FGF12: variants seen among roughly 807,000 people sequenced by gnomAD.
FGF12 encodes the protein fibroblast growth factor 12B.
FGF12 carries 14 observed loss-of-function variants against 23.6 expected under a neutral mutation model. That is an observed-to-expected ratio of 0.59 (90% confidence interval 0.39 to 0.93). The LOEUF (loss-of-function observed/expected upper bound fraction) is 0.93. FGF12 is among the 40% of genes least tolerant of loss of function. The pLI is 0.00. For missense variants in FGF12, 175 were observed against 217.8 expected (o/e 0.80, Z 1.24); for synonymous variants, 62 against 77.3 (o/e 0.80, Z 1.04).
At chr3:192,282,230 C>T (rs185600828) in intron 4 of FGF12, among the ~76,000 whole-genome samples, 5 of 152,226 alleles carry the variant, frequency 3.3e-5, no homozygotes, top group Admixed American at 3.3e-4. Flanking sequence ...TCTAGGTGAA[C>T]ATCTGGTACA....
rs981657028 is a variant in FGF12 at position 192,140,977 on chromosome 3, A to G, written c.*3032T>C. 2 of 151,826 alleles carry G rather than the reference A, an allele frequency of 1.3e-5. No homozygotes were observed. The highest frequency in any genetic ancestry group is 3.9e-4 in the East Asian group (2 of 5,182). 9.4% of individuals were successfully genotyped at this position (151,826 alleles called of 1,614,324 possible). ...AGAAAGCTATTTTGTGAGACTCTCA[A>G]AAGTTTTGTTTTCATTCTTAAGCTC... On this transcript the variant is annotated 3_prime_UTR_variant, in exon 6 of 6. Coordinates refer to ENST00000445105, the MANE Select transcript of FGF12 (RefSeq NM_004113.6).
chr3:192,502,175 C>T (rs1317791168), intron 2 of FGF12, among the ~76,000 whole-genome samples: 3 of 152,156 alleles, frequency 2.0e-5, no homozygotes, highest in Non-Finnish European at 4.4e-5. Flanking sequence ...AATCTAAGTC[C>T]ATTTCCCATT....
At chr3:192,300,047 G>C (rs138063619) in intron 4 of FGF12, among the ~76,000 whole-genome samples, 18 of 152,248 alleles carry the variant, frequency 1.2e-4, no homozygotes, top group African/African-American at 4.1e-4. Flanking sequence ...TCTATGGATT[G>C]TGTTCATCTC....
intron 4 of FGF12, among the ~76,000 whole-genome samples, chr3:192,292,443 C>G (rs998684177): frequency 6.6e-6 from 1 of 151,998 alleles, no homozygotes; most frequent in African/African-American, 2.4e-5. Context: ...TTTAAAATGC[C>G]TTTAATCAGT....
chr3:192,484,228 C>A (rs1314533408), intron 2 of FGF12, among the ~76,000 whole-genome samples: 2 of 150,064 alleles, frequency 1.3e-5, no homozygotes, highest in African/African-American at 4.9e-5. Flanking sequence ...ATTATCACCA[C>A]TTAGGTGCAA....
intron 2 of FGF12, among the ~76,000 whole-genome samples, chr3:192,415,455 C>T (rs971792349): frequency 3.9e-5 from 6 of 152,158 alleles, no homozygotes; most frequent in Non-Finnish European, 8.8e-5. Flanking sequence ...TCCATCCACC[C>T]AGATTTTTGA....
rs924123298 is a variant in FGF12, at chr3:192,139,767, T to C, written c.*4242A>G. ...AAGCTCAATACATCATTCTGAACAT[T>C]ATTAATTTTCACTTAACTTAGATTT... On this transcript the variant is annotated 3_prime_UTR_variant, in exon 6 of 6. Transcript: ENST00000445105. The C allele has an allele frequency of 6.6e-6, 1 of 152,088 alleles. No homozygotes were observed. The highest frequency in any genetic ancestry group is 2.4e-5 in the African/African-American group (1 of 41,434). The allele number at this position is 152,088 out of a possible 1,614,324, so 9.4% of individuals were successfully genotyped here. A position where few individuals can be genotyped will look rare whatever the true frequency, so the allele number is the denominator to read the frequency against.
intron 2 of FGF12, among the ~76,000 whole-genome samples, chr3:192,474,417 C>CA (rs1723259133): frequency 1.3e-5 from 2 of 152,068 alleles, no homozygotes; most frequent in Admixed American, 6.6e-5. Flanking sequence ...CCAGATTTGG[C>CA]CAATTATAGC....
At chr3:192,251,732 G>T (rs1333001508) in intron 4 of FGF12, among the ~76,000 whole-genome samples, 1 of 151,938 alleles carries the variant, frequency 6.6e-6, no homozygotes, top group Non-Finnish European at 1.5e-5. Context: ...AGAAAAAAAA[G>T]CCAGATACAA....
Position 192,346,437 on chromosome 3 carries a change from C to A in FGF12, c.125-10973G>T, listed in dbSNP as rs142170733. 1.2e-4 allele frequency among the ~76,000 whole-genome samples: 19 copies of A among 152,300 alleles called. No individual in the cohort carries two copies. In the East Asian group the frequency reaches 3.7e-3, roughly 29 times the overall value. On this transcript the variant is annotated intron_variant, in intron 3 of 5. Coordinates refer to ENST00000445105, the MANE Select transcript of FGF12 (RefSeq NM_004113.6). Reference sequence around the variant, plus strand: ...CCATTCTTCAAGAATTGGGTTAAAACCAAACTTGTTGATCACTATGGCTTT... The same window carrying A: ...CCATTCTTCAAGAATTGGGTTAAAAACAAACTTGTTGATCACTATGGCTTT...
At chr3:192,455,172 T>G (rs1056744281) in intron 2 of FGF12, among the ~76,000 whole-genome samples, 6 of 152,166 alleles carry the variant, frequency 3.9e-5, no homozygotes, top group Non-Finnish European at 5.9e-5. Flanking sequence ...AATAATATGA[T>G]GTACAGAAAG....
At chr3:192,234,414 T>C (rs1158038330) in intron 4 of FGF12, among the ~76,000 whole-genome samples, 1 of 152,226 alleles carries the variant, frequency 6.6e-6, no homozygotes, top group African/African-American at 2.4e-5. Flanking sequence ...TGAAGTTGTT[T>C]GTCAGTTCTA....
chr3:192,462,965 G>T (rs1416415361), intron 2 of FGF12, among the ~76,000 whole-genome samples: 3 of 152,194 alleles, frequency 2.0e-5, no homozygotes, highest in Non-Finnish European at 4.4e-5. Flanking sequence ...AGTTTGTGGG[G>T]ATATGAAACC....
chr3:192,568,916 G>A (rs372803287), intron 2 of FGF12, among the ~76,000 whole-genome samples: 3 of 152,090 alleles, frequency 2.0e-5, no homozygotes, highest in East Asian at 1.9e-4. Flanking sequence ...TTCAACCTTC[G>A]AGAACCAACT....
intron 4 of FGF12, among the ~76,000 whole-genome samples, chr3:192,234,174 C>A (rs1226408735): frequency 6.6e-6 from 1 of 152,078 alleles, no homozygotes; most frequent in Non-Finnish European, 1.5e-5. Flanking sequence ...AGTATTGATT[C>A]TTCCTGTCCA....
chr3:192,198,685 T>C (rs1577227586), intron 4 of FGF12, among the ~76,000 whole-genome samples: 1 of 152,352 alleles, frequency 6.6e-6, no homozygotes, highest in East Asian at 1.9e-4. Flanking sequence ...TCCAAATTCC[T>C]GAAATTTGTA....
At chr3:192,365,082 G>C (rs1718914097) in intron 2 of FGF12, among the ~76,000 whole-genome samples, 1 of 151,928 alleles carries the variant, frequency 6.6e-6, no homozygotes, top group South Asian at 2.1e-4. Context: ...CAAAATACTT[G>C]ACCAGTACTC....
chr3:192,518,135 T>C (rs1243903748), intron 2 of FGF12, among the ~76,000 whole-genome samples: 1 of 152,188 alleles, frequency 6.6e-6, no homozygotes, highest in Non-Finnish European at 1.5e-5. Context: ...ATATTATTGT[T>C]TTAATACCCA....
chr3:192,662,682 T>C (rs945102531), intron 2 of FGF12, among the ~76,000 whole-genome samples: 1 of 152,216 alleles, frequency 6.6e-6, no homozygotes, highest in Admixed American at 6.5e-5. Context: ...AACAGCTTCT[T>C]CTCCTCTAAG....
Sources: gnomAD v4.1 joint callset for allele counts (sites outside exome capture counted in the v4.1 genomes callset) on GRCh38, gnomAD v4.1.1 for gene constraint, MANE v1.5 for transcripts, NCBI Gene and HGNC (gene_info 2026-07-23, HGNC 2026-07-21) for gene names.